PRKG1: variants seen among roughly 807,000 people sequenced by gnomAD.
PRKG1 encodes protein kinase cGMP-dependent 1, also known as cGMP-dependent protein kinase 1.
PRKG1 carries 35 observed loss-of-function variants against 88.1 expected under a neutral mutation model. That is an observed-to-expected ratio of 0.40 (90% CI 0.30 to 0.53). PRKG1 has a LOEUF of 0.53. Ranked by LOEUF, PRKG1 falls within the 20% of genes least tolerant of loss-of-function variation. The pLI, the probability that PRKG1 is intolerant of heterozygous loss-of-function variation, is 0.59. For synonymous variants in PRKG1, 303 were observed against 292.5 expected, an observed-to-expected ratio of 1.04 and a Z score of -0.37; for missense variants, 540 against 839.8, an observed-to-expected ratio of 0.64 and a Z score of 4.41.
At chr10:52,206,576 TG>T (rs1839825032) in intron 9 of PRKG1, among the ~76,000 whole-genome samples, 1 of 152,188 alleles carries the variant, frequency 6.6e-6, no homozygotes, top group South Asian at 2.1e-4. Flanking sequence ...GTCCTTTAGA[TG>T]GGGTGTTTTG....
chr10:51,957,436 C>T (rs938027277), intron 5 of PRKG1, among the ~76,000 whole-genome samples: 3 of 151,758 alleles, frequency 2.0e-5, no homozygotes, highest in Non-Finnish European at 2.9e-5. Context: ...GGACTACAGG[C>T]TCATGCCACC....
intron 3 of PRKG1, among the ~76,000 whole-genome samples, chr10:51,706,195 C>T (rs1010767234): frequency 1.3e-5 from 2 of 152,156 alleles, no homozygotes; most frequent in African/African-American, 4.8e-5. Flanking sequence ...TGAAAGAGCT[C>T]AAATTAATTT....
At chr10:52,131,371 G>A (rs1036959962) in intron 7 of PRKG1, among the ~76,000 whole-genome samples, 2 of 152,044 alleles carry the variant, frequency 1.3e-5, no homozygotes, top group African/African-American at 2.4e-5. Context: ...GTAGGGCTAC[G>A]AGAACAGATG....
intron 5 of PRKG1, among the ~76,000 whole-genome samples, chr10:52,053,751 C>T (rs991347174): frequency 3.5e-4 from 54 of 152,160 alleles, no homozygotes; most frequent in African/African-American, 1.1e-3. Flanking sequence ...TACCTCACTC[C>T]TCATTTGATA....
At chr10:51,272,930 C>G (rs1460823680) in intron 2 of PRKG1, among the ~76,000 whole-genome samples, 1 of 152,284 alleles carries the variant, frequency 6.6e-6, no homozygotes, top group East Asian at 1.9e-4. Flanking sequence ...TATTAGAATC[C>G]TAAGTTCACC....
chr10:51,150,919 A>C (rs540983401), intron 1 of PRKG1, among the ~76,000 whole-genome samples: 1 of 152,098 alleles, frequency 6.6e-6, no homozygotes, highest in African/African-American at 2.4e-5. Flanking sequence ...GACTTCAATC[A>C]TGTTTGGATG....
intron 1 of PRKG1, among the ~76,000 whole-genome samples, chr10:51,053,250 A>AAAT (rs1437160472): frequency 3.8e-3 from 109 of 28,818 alleles, no homozygotes; most frequent in Non-Finnish European, 4.9e-3. Context: ...AATAAATAAA[A>AAAT]ACTAAAAAAA....
intron 2 of PRKG1, among the ~76,000 whole-genome samples, chr10:51,341,471 C>T (rs1003908938): frequency 6.6e-6 from 1 of 152,136 alleles, no homozygotes; most frequent in Non-Finnish European, 1.5e-5. Flanking sequence ...GCTCTGCTTA[C>T]GTTTGATACT....
chr10:51,824,114 T>A (rs989248169), intron 4 of PRKG1, among the ~76,000 whole-genome samples: 2 of 152,122 alleles, frequency 1.3e-5, no homozygotes. Flanking sequence ...GCTCAAGTGA[T>A]TCTCCCGCTT....
At chr10:52,010,525 G>C (rs1253832740) in intron 5 of PRKG1, among the ~76,000 whole-genome samples, 1 of 151,966 alleles carries the variant, frequency 6.6e-6, no homozygotes, top group East Asian at 1.9e-4. Context: ...TCATCATCTG[G>C]GTGATAGGAT....
At chr10:51,630,553 A>C (rs1839497367) in intron 3 of PRKG1, among the ~76,000 whole-genome samples, 1 of 152,222 alleles carries the variant, frequency 6.6e-6, no homozygotes, top group Admixed American at 6.5e-5. Context: ...AAAAGTGCAC[A>C]TAACATACCC....
At chr10:52,070,134 C>T (rs1417557809) in intron 7 of PRKG1, among the ~76,000 whole-genome samples, 1 of 152,118 alleles carries the variant, frequency 6.6e-6, no homozygotes, top group Admixed American at 6.6e-5. Context: ...TTTTTTCAGA[C>T]ACAACCAAAA....
intron 9 of PRKG1, among the ~76,000 whole-genome samples, chr10:52,178,924 G>A (rs1198903894): frequency 6.6e-6 from 1 of 150,808 alleles, no homozygotes; most frequent in East Asian, 1.9e-4. Context: ...GCATATGGTT[G>A]GGTGTTGTTT....
chr10:51,551,829 A>G (rs1030320219), intron 3 of PRKG1, among the ~76,000 whole-genome samples: 4 of 151,768 alleles, frequency 2.6e-5, no homozygotes, highest in African/African-American at 7.2e-5. Context: ...TTTTATCTCT[A>G]TGGAGAAGAC....
chr10:52,084,663 T>C (rs951491437), intron 7 of PRKG1, among the ~76,000 whole-genome samples: 1 of 152,020 alleles, frequency 6.6e-6, no homozygotes, highest in Non-Finnish European at 1.5e-5. Flanking sequence ...TGTCCCAATA[T>C]ATGTCACTCA....
chr10:51,393,390 C>A (rs535242281), intron 2 of PRKG1, among the ~76,000 whole-genome samples: 392 of 147,670 alleles, frequency 2.7e-3, no homozygotes, highest in Non-Finnish European at 4.3e-3. Flanking sequence ...GGCAGCCAGG[C>A]AGAGGGACTC....
At chr10:52,187,526 T>G (rs1258356794) in intron 9 of PRKG1, among the ~76,000 whole-genome samples, 1 of 152,198 alleles carries the variant, frequency 6.6e-6, no homozygotes, top group African/African-American at 2.4e-5. Flanking sequence ...AATAAGTGTT[T>G]ATGAGAACTG....
intron 8 of PRKG1, among the ~76,000 whole-genome samples, chr10:52,156,418 C>A (rs1346812966): frequency 1.3e-5 from 2 of 151,718 alleles, no homozygotes; most frequent in Non-Finnish European, 3.0e-5. Context: ...GTACTTTATT[C>A]CTTTTGCATA....
chr10:51,959,913 C>T (rs1843404394), intron 5 of PRKG1, among the ~76,000 whole-genome samples: 1 of 152,042 alleles, frequency 6.6e-6, no homozygotes. Flanking sequence ...CTTTGTTTCA[C>T]ATTAAGTATA....
Sources: allele counts gnomAD v4.1 joint callset (sites outside exome capture counted in the v4.1 genomes callset), GRCh38; gene constraint gnomAD v4.1.1; transcripts MANE v1.5; gene names NCBI Gene and HGNC (gene_info 2026-07-23, HGNC 2026-07-21).